The following ELP1 variants were observed in gnomAD, a reference collection of about 807,000 sequenced individuals.
The protein encoded by ELP1 is elongator complex protein 1.
Under a neutral mutation model 183.2 loss-of-function variants are expected in ELP1, and 131 were observed. The ratio of observed to expected loss-of-function variants is 0.72; its 90% CI spans 0.62 to 0.83. The LOEUF is 0.83. Among genes scored for constraint, ELP1 ranks in the 40% least tolerant of loss-of-function variants. The probability of loss-of-function intolerance (pLI) is 0.00; values close to 1 mark genes in which losing one functional copy is unlikely to be tolerated. For synonymous variants in ELP1, 555 were observed against 569.0 expected, an observed-to-expected ratio of 0.98 and a Z score of 0.35; for missense variants, 1,550 against 1,594.9, an observed-to-expected ratio of 0.97 and a Z score of 0.48.
At position 108,896,578 on chromosome 9, in the gene ELP1, A is replaced by G; in HGVS notation, c.2654T>C (p.Val885Ala). 6.2e-7 allele frequency: 1 copy of G among 1,613,694 alleles called. No individual in the cohort carries two copies. The highest frequency in any genetic ancestry group is 2.2e-5 in the East Asian group (1 of 44,884). ...EEALKYLLHLVDVNELYDHSL... is the reference protein window; with the variant it reads ...EEALKYLLHLADVNELYDHSL... Reference sequence around the variant, plus strand: ...ATGATCATATAATTCATTAACATCTACCAGATGCAGCAAATATTTCAAGGC... The same window carrying G: ...ATGATCATATAATTCATTAACATCTGCCAGATGCAGCAAATATTTCAAGGC... The change falls in exon 25 of 37, where the codon GTA becomes GCA. Residue 885 changes from valine to alanine, a missense_variant. Coordinates refer to ENST00000374647, the MANE Select transcript of ELP1 (RefSeq NM_003640.5).
At chr9:108,876,403 C>T (rs902814451) in intron 35 of ELP1, among the ~76,000 whole-genome samples, 2 of 152,302 alleles carry the variant, frequency 1.3e-5, no homozygotes, top group Middle Eastern at 3.4e-3. Flanking sequence ...TTTATTTCAA[C>T]GGTTTGTAAA....
chr9:108,927,115 C>T (rs1829846388), intron 4 of ELP1, among the ~76,000 whole-genome samples: 1 of 151,998 alleles, frequency 6.6e-6, no homozygotes, highest in African/African-American at 2.4e-5. Context: ...CTCCCAAAGA[C>T]TTAAAAAGTT....
At chr9:108,889,691 A>T in intron 28 of ELP1, 3 of 433,476 alleles carry the variant, frequency 6.9e-6, no homozygotes, top group Non-Finnish European at 1.3e-5. Context: ...GTAAGAGACC[A>T]CTATTTCTTT....
chr9:108,870,947 A>G (rs1339725037), intron 36 of ELP1, among the ~76,000 whole-genome samples: 1 of 136,682 alleles, frequency 7.3e-6, no homozygotes, highest in East Asian at 2.1e-4. Flanking sequence ...CAAGATTCCT[A>G]TCTTGAAATC....
chr9:108,874,847 T>C (rs762978201), intron 36 of ELP1, 48 bp downstream of exon 36: 16 of 1,203,986 alleles, frequency 1.3e-5, no homozygotes, highest in East Asian at 2.3e-5. Context: ...TACAGAAAGA[T>C]AGTCCTTCTG....
At chr9:108,911,823 T>C (rs78895483) in intron 11 of ELP1, among the ~76,000 whole-genome samples, 2,849 of 152,262 alleles carry the variant, frequency 0.019, 94 homozygotes, top group African/African-American at 0.066. Flanking sequence ...CAAACGTTTA[T>C]GCATGAACTG....
At chr9:108,930,561 G>T (rs1829967610) in intron 2 of ELP1, among the ~76,000 whole-genome samples, 1 of 152,004 alleles carries the variant, frequency 6.6e-6, no homozygotes, top group African/African-American at 2.4e-5. Flanking sequence ...GCGGTGGCGG[G>T]CGCCTGTAGT....
In ELP1 at chr9:108,891,351, T is replaced by C. The variant is rs770000077; in HGVS notation, c.3012A>G (p.Pro1004=). 3 of 1,614,038 alleles carry C rather than the reference T, an allele frequency of 1.9e-6. No homozygotes were observed. Among genetic ancestry groups the C allele is most frequent in the Admixed American group, 3.3e-5 (2 of 60,018 alleles). Reference sequence around the variant, plus strand: ...CGCAACGGGCAAACATGAGCCCCGCTGGCTCATACATGTGCTCCTGCATCA... The same window carrying C: ...CGCAACGGGCAAACATGAGCCCCGCCGGCTCATACATGTGCTCCTGCATCA... ...EHLMQEHMYE[P]AGLMFARCGA... The change falls in exon 28 of 37, where the codon CCA becomes CCG. Residue 1004 remains proline, a synonymous_variant. Transcript: ENST00000374647.
rs757499654 is a variant in ELP1, at chr9:108,906,408, ACGT to A, written c.1535_1537del (p.Asp512del). 6.2e-7 allele frequency: 1 copy of A among 1,614,104 alleles called. No homozygotes were observed. The highest frequency in any genetic ancestry group is 1.7e-5 in the Admixed American group (1 of 60,012). ...CTCACTGTGGCTTACAGCCAGGAAG[ACGT>A]CTTCTTCAATCCAAGTGAGAAGGCC... On this transcript the variant is annotated inframe_deletion, in exon 14 of 37. Coordinates refer to ENST00000374647, the MANE Select transcript of ELP1 (RefSeq NM_003640.5).
chr9:108,922,729 G>A, intron 6 of ELP1, 113 bp downstream of exon 6: 1 of 806,036 alleles, frequency 1.2e-6, no homozygotes. Context: ...TTTTACTAAA[G>A]CAGAAGAGAA....
Position 108,927,558 on chromosome 9 carries a change from C to T in ELP1, c.304-105G>A, listed in dbSNP as rs913373420. 16 of 871,078 alleles carry T rather than the reference C, an allele frequency of 1.8e-5. No homozygotes were observed. In the Admixed American group the frequency reaches 2.9e-4, roughly 16 times the overall value. 54.0% of individuals were successfully genotyped at this position (871,078 alleles called of 1,614,324 possible). The stretch of plus-strand genomic sequence containing the variant: ...TTAAAAAAACAAAACGAAAAGACAT[C>T]AGTATATGGAAGAGATATCTGCACT... On this transcript the variant is annotated intron_variant, in intron 3 of 36. Transcript: ENST00000374647.
chr9:108,908,499 C>A, intron 12 of ELP1, 95 bp from the exon 13 acceptor site: 1 of 871,902 alleles, frequency 1.1e-6, no homozygotes, highest in Non-Finnish European at 1.9e-6. Flanking sequence ...TTCTAGAAGG[C>A]AAACAGCAAT....
intron 5 of ELP1, among the ~76,000 whole-genome samples, chr9:108,924,298 C>A (rs1829755702): frequency 6.6e-6 from 1 of 152,068 alleles, no homozygotes; most frequent in Non-Finnish European, 1.5e-5. Flanking sequence ...ATACAGCCTG[C>A]AAAGCTGAAC....
chr9:108,880,780 T>A (rs1187422194), intron 31 of ELP1, among the ~76,000 whole-genome samples: 2 of 152,212 alleles, frequency 1.3e-5, no homozygotes, highest in East Asian at 3.8e-4. Flanking sequence ...CTGGTTAGAT[T>A]ATTATAGATG....
chr9:108,879,917 G>T, intron 32 of ELP1, 135 bp downstream of exon 32: 3 of 719,102 alleles, frequency 4.2e-6, no homozygotes, highest in Non-Finnish European at 7.6e-6. Context: ...CCCTGAAGGG[G>T]CTCCACAGAA....
chr9:108,891,156 T>A lies in ELP1; in HGVS notation c.3160+47A>T, dbSNP rs143250122. On this transcript the variant is annotated intron_variant, in intron 28 of 36. Coordinates refer to ENST00000374647, the MANE Select transcript of ELP1 (RefSeq NM_003640.5). ...AAAATTACCAAACAAAAGAAATAAA[T>A]TTTTTAAAACCTTTGTAGATGTAAA... The A allele has an allele frequency of 7.8e-4, 1,237 of 1,582,652 alleles. 16 individuals are homozygous for A. In the African/African-American group the frequency reaches 0.015, roughly 19 times the overall value.
intron 14 of ELP1, among the ~76,000 whole-genome samples, chr9:108,905,751 G>T (rs1162422712): frequency 6.6e-6 from 1 of 152,042 alleles, no homozygotes; most frequent in Admixed American, 6.6e-5. Flanking sequence ...AGCCTATGGG[G>T]TATGGCCTAT....
At chr9:108,870,965 C>A (rs1168975508) in intron 36 of ELP1, among the ~76,000 whole-genome samples, 2 of 142,560 alleles carry the variant, frequency 1.4e-5, no homozygotes, top group East Asian at 2.0e-4. Flanking sequence ...ATCCTTCATG[C>A]ACCATTTTTT....
intron 26 of ELP1, 82 bp from the exon 27 acceptor site, chr9:108,893,165 C>G: frequency 1.1e-6 from 1 of 945,476 alleles, no homozygotes; most frequent in Non-Finnish European, 1.7e-6. Flanking sequence ...GGTCACCAAA[C>G]AAAATAAATG....
Sources: allele counts gnomAD v4.1 joint callset (sites outside exome capture counted in the v4.1 genomes callset), GRCh38; gene constraint gnomAD v4.1.1; transcripts MANE v1.5; gene names NCBI Gene and HGNC (gene_info 2026-07-23, HGNC 2026-07-21).